Variants in MYO5B observed in about 807,000 individuals in gnomAD.
The protein encoded by MYO5B is myosin VB.
MYO5B carries 143 observed loss-of-function variants against 229.3 expected under a neutral mutation model. The ratio of observed to expected loss-of-function variants is 0.62; its 90% CI spans 0.54 to 0.72. The LOEUF (loss-of-function observed/expected upper bound fraction) is 0.72, where lower values mean the gene tolerates loss of function less well. Among genes scored for constraint, MYO5B ranks in the 30% least tolerant of loss-of-function variants. MYO5B has a pLI of 0.00. For missense variants in MYO5B, 2,321 were observed against 2,331.0 expected (o/e 1.00, Z 0.09); for synonymous variants, 918 against 885.2 (o/e 1.04, Z -0.66).
At chr18:49,902,395 C>T (rs1331269984) in intron 21 of MYO5B, among the ~76,000 whole-genome samples, 199 bp downstream of exon 21, 2 of 152,238 alleles carry the variant, frequency 1.3e-5, no homozygotes, top group African/African-American at 4.8e-5. Context: ...TAAGGTAACA[C>T]ACTCACAGAT....
Position 49,863,875 on chromosome 18 carries a change from G to A in MYO5B, c.3843+266C>T, listed in dbSNP as rs1424380382. Among the ~76,000 whole-genome samples, 7 of 152,304 alleles carry A rather than the reference G, an allele frequency of 4.6e-5. No homozygotes were observed. The South Asian group carries it at 1.4e-3, about 32-fold the overall frequency. Reference sequence around the variant, plus strand: ...AGAAAGCAAACAGCAAGGGGTATAAGGTGAAAAGGCCACCCTGAGGTTACC... The same window carrying A: ...AGAAAGCAAACAGCAAGGGGTATAAAGTGAAAAGGCCACCCTGAGGTTACC... On this transcript the variant is annotated intron_variant, in intron 28 of 39. Transcript: ENST00000285039.
chr18:49,943,540 T>C (rs1243644388), intron 14 of MYO5B, among the ~76,000 whole-genome samples: 1 of 152,180 alleles, frequency 6.6e-6, no homozygotes, highest in African/African-American at 2.4e-5. Flanking sequence ...CTCAATTCCA[T>C]GTGCAGTCAA....
intron 4 of MYO5B, among the ~76,000 whole-genome samples, chr18:50,010,813 G>T (rs568564426): frequency 6.6e-6 from 1 of 152,228 alleles, no homozygotes; most frequent in Non-Finnish European, 1.5e-5. Context: ...TATTTCACTT[G>T]TTCTTGGAAA....
intron 27 of MYO5B, among the ~76,000 whole-genome samples, chr18:49,867,231 A>G (rs1301481362): frequency 2.0e-5 from 3 of 152,170 alleles, no homozygotes; most frequent in African/African-American, 7.2e-5. Flanking sequence ...ACAGAGATTT[A>G]GGAGGTGGAA....
intron 4 of MYO5B, among the ~76,000 whole-genome samples, chr18:50,027,474 C>A (rs2026343694): frequency 6.6e-6 from 1 of 152,166 alleles, no homozygotes; most frequent in East Asian, 1.9e-4. Flanking sequence ...AAATGGCACA[C>A]CTTAAGTGAA....
At position 50,014,334 on chromosome 18, in the gene MYO5B, T is replaced by C. The variant is rs554225361; in HGVS notation, c.456-12923A>G. Reference sequence around the variant, plus strand: ...TTAACTTACAACAGAAGCTATACAGTGTTATTTATTAATGATAATGCAGTG... The same window carrying C: ...TTAACTTACAACAGAAGCTATACAGCGTTATTTATTAATGATAATGCAGTG... On this transcript the variant is annotated intron_variant, in intron 4 of 39. Coordinates refer to ENST00000285039, the MANE Select transcript of MYO5B (RefSeq NM_001080467.3). Among the ~76,000 whole-genome samples, 6 of 148,438 alleles carry C rather than the reference T, an allele frequency of 4.0e-5. No individual in the cohort carries two copies. The South Asian group carries it at 1.1e-3, about 26-fold the overall frequency.
chr18:50,027,070 A>C (rs2026338827), intron 4 of MYO5B, among the ~76,000 whole-genome samples: 1 of 152,242 alleles, frequency 6.6e-6, no homozygotes, highest in Non-Finnish European at 1.5e-5. Flanking sequence ...AAATGTGAAA[A>C]TACACAGTAG....
intron 39 of MYO5B, among the ~76,000 whole-genome samples, chr18:49,831,075 G>A (rs2023914573): frequency 6.6e-6 from 1 of 152,040 alleles, no homozygotes; most frequent in African/African-American, 2.4e-5. Context: ...AAATGGTGCT[G>A]AGACAACTGG....
chr18:50,081,695 T>C (rs1044381383), intron 1 of MYO5B, among the ~76,000 whole-genome samples: 25 of 151,136 alleles, frequency 1.7e-4, no homozygotes, highest in African/African-American at 6.2e-4. Flanking sequence ...CTGGGAAAAT[T>C]TTTTCAGTCC....
At chr18:50,150,216 C>G (rs1364457615) in intron 1 of MYO5B, among the ~76,000 whole-genome samples, 3 of 142,400 alleles carry the variant, frequency 2.1e-5, no homozygotes, top group Non-Finnish European at 4.7e-5. Flanking sequence ...GAAATAGGAA[C>G]ACTTTTACAC....
intron 1 of MYO5B, among the ~76,000 whole-genome samples, chr18:50,176,796 T>C (rs117716789): frequency 8.2e-4 from 125 of 152,348 alleles, no homozygotes; most frequent in Non-Finnish European, 1.6e-3. Flanking sequence ...TATCCTTTTC[T>C]AAAGGCTGCA....
At chr18:49,993,203 C>A (rs576344695) in intron 5 of MYO5B, among the ~76,000 whole-genome samples, 2 of 152,120 alleles carry the variant, frequency 1.3e-5, no homozygotes, top group South Asian at 4.2e-4. Flanking sequence ...CACATGCTTA[C>A]ATTTTTAGGT....
chr18:50,115,786 A>T (rs1416992436), intron 1 of MYO5B, among the ~76,000 whole-genome samples: 2 of 145,570 alleles, frequency 1.4e-5, no homozygotes, highest in African/African-American at 5.0e-5. Flanking sequence ...TGTATGGGGA[A>T]CAGTTTCTCT....
At chr18:50,111,928 C>T (rs1305004397) in intron 1 of MYO5B, among the ~76,000 whole-genome samples, 1 of 152,158 alleles carries the variant, frequency 6.6e-6, no homozygotes, top group African/African-American at 2.4e-5. Flanking sequence ...CTACTATGTG[C>T]CAGGCAAGCT....
At chr18:49,967,391 C>G (rs1045056463) in intron 10 of MYO5B, among the ~76,000 whole-genome samples, 1 of 152,286 alleles carries the variant, frequency 6.6e-6, no homozygotes, top group Non-Finnish European at 1.5e-5. Context: ...AACAGAGAGG[C>G]AGTGAGATGC....
At chr18:49,927,689 C>T (rs2025144993) in intron 17 of MYO5B, among the ~76,000 whole-genome samples, 1 of 152,150 alleles carries the variant, frequency 6.6e-6, no homozygotes, top group African/African-American at 2.4e-5. Flanking sequence ...ATTGGCTAGC[C>T]ACATGTAGAA....
intron 18 of MYO5B, among the ~76,000 whole-genome samples, chr18:49,907,821 G>A (rs76764866): frequency 0.12 from 18,060 of 152,290 alleles, 1,295 homozygotes; most frequent in East Asian, 0.23. Flanking sequence ...CAGGCTGCTC[G>A]TGAAGCTGGC....
chr18:49,849,778 C>G, intron 31 of MYO5B, 118 bp from the exon 32 acceptor site: 4 of 804,574 alleles, frequency 5.0e-6, no homozygotes, highest in Non-Finnish European at 8.8e-6. Context: ...GTCAGAAATG[C>G]GCCAGTCAGG....
At chr18:50,110,827 T>A (rs1281769034) in intron 1 of MYO5B, among the ~76,000 whole-genome samples, 1 of 150,116 alleles carries the variant, frequency 6.7e-6, no homozygotes, top group African/African-American at 2.5e-5. Context: ...GTTAGAAAAA[T>A]AAAAATAGAA....
Sources: gnomAD v4.1 joint callset for allele counts (sites outside exome capture counted in the v4.1 genomes callset) on GRCh38, gnomAD v4.1.1 for gene constraint, MANE v1.5 for transcripts, NCBI Gene and HGNC (gene_info 2026-07-23, HGNC 2026-07-21) for gene names.